NALF1: variants seen among roughly 807,000 people sequenced by gnomAD.
NALF1 encodes the protein NALCN channel auxiliary factor 1.
NALF1 carries 3 observed loss-of-function variants against 48.4 expected under a neutral mutation model. That is an observed-to-expected ratio of 0.06 (90% CI 0.03 to 0.16). The LOEUF (loss-of-function observed/expected upper bound fraction) is 0.16, where lower values mean the gene tolerates loss of function less well. Ranked by LOEUF, NALF1 falls within the 10% of genes least tolerant of loss-of-function variation. The pLI is 1.00. For missense variants in NALF1, 526 were observed against 571.5 expected (o/e 0.92, Z 0.81); for synonymous variants, 262 against 245.7 (o/e 1.07, Z -0.62).
intron 1 of NALF1, among the ~76,000 whole-genome samples, chr13:107,261,899 G>T (rs1433166724): frequency 6.6e-6 from 1 of 151,852 alleles, no homozygotes; most frequent in Non-Finnish European, 1.5e-5. Context: ...CAAGGCACAG[G>T]TTTATAGGCA....
intron 1 of NALF1, among the ~76,000 whole-genome samples, chr13:107,677,920 T>G (rs1046395706): frequency 6.6e-6 from 1 of 152,208 alleles, no homozygotes; most frequent in Non-Finnish European, 1.5e-5. Flanking sequence ...ATACTTGAGT[T>G]TAGAGAGGCA....
intron 2 of NALF1, among the ~76,000 whole-genome samples, chr13:107,202,222 C>T (rs984394258): frequency 6.6e-6 from 1 of 151,732 alleles, no homozygotes; most frequent in Non-Finnish European, 1.5e-5. Flanking sequence ...TTTTAAAGTT[C>T]TGCTTACAAA....
chr13:107,361,542 GA>G (rs1409980949), intron 1 of NALF1, among the ~76,000 whole-genome samples: 2 of 152,032 alleles, frequency 1.3e-5, no homozygotes, highest in Non-Finnish European at 1.5e-5. Context: ...ATGAGCCATG[GA>G]AAAAAAGTGA....
intron 1 of NALF1, among the ~76,000 whole-genome samples, chr13:107,608,436 G>C (rs901032666): frequency 3.9e-5 from 6 of 152,210 alleles, no homozygotes; most frequent in Admixed American, 3.9e-4. Context: ...CCAATATGCA[G>C]ACTTATGATA....
chr13:107,287,495 C>T (rs117504462), intron 1 of NALF1, among the ~76,000 whole-genome samples: 120 of 152,084 alleles, frequency 7.9e-4, no homozygotes, highest in Admixed American at 1.1e-3. Context: ...ACTTTGAAAA[C>T]GTCAAATAAA....
intron 1 of NALF1, among the ~76,000 whole-genome samples, chr13:107,575,119 T>C (rs939864281): frequency 1.3e-5 from 2 of 152,068 alleles, no homozygotes; most frequent in African/African-American, 4.8e-5. Context: ...GAAATTCCAT[T>C]TTCCACTAAC....
rs566827741 is a variant in NALF1, at chr13:107,358,107, GAT to G, written c.916-147354_916-147353del. 1.8e-4 allele frequency among the ~76,000 whole-genome samples: 28 copies of G among 151,634 alleles called. No individual in the cohort carries two copies. In the East Asian group the frequency reaches 5.0e-3, roughly 27 times the overall value. Reference sequence around the variant, plus strand: ...GTGTGTATATAGACATGTGTCTGTGGATATATATATGTATACACATTTACACA... The same window carrying G: ...GTGTGTATATAGACATGTGTCTGTGGATATATATGTATACACATTTACACA... On this transcript the variant is annotated intron_variant, in intron 1 of 2. Transcript: ENST00000375915.
chr13:107,304,163 C>T (rs1448456376), intron 1 of NALF1, among the ~76,000 whole-genome samples: 1 of 152,026 alleles, frequency 6.6e-6, no homozygotes, highest in Non-Finnish European at 1.5e-5. Flanking sequence ...CATCACTCTT[C>T]TTAAATTAGG....
chr13:107,507,526 CT>C (rs201415523), intron 1 of NALF1, among the ~76,000 whole-genome samples: 47 of 140,574 alleles, frequency 3.3e-4, no homozygotes, highest in South Asian at 2.3e-4. Context: ...ATATCACATC[CT>C]TTTTTTTTGC....
chr13:107,273,137 T>G (rs747946225), intron 1 of NALF1, among the ~76,000 whole-genome samples: 1 of 152,206 alleles, frequency 6.6e-6, no homozygotes, highest in Non-Finnish European at 1.5e-5. Flanking sequence ...AATATTCTTA[T>G]GCACTCCCCC....
chr13:107,489,104 T>G (rs77241300), intron 1 of NALF1, among the ~76,000 whole-genome samples: 2,622 of 152,142 alleles, frequency 0.017, 87 homozygotes, highest in African/African-American at 0.06. Flanking sequence ...TACAAACAAC[T>G]GCTCAAAGTA....
chr13:107,637,053 A>T (rs984522615), intron 1 of NALF1, among the ~76,000 whole-genome samples: 3 of 151,892 alleles, frequency 2.0e-5, no homozygotes, highest in African/African-American at 7.3e-5. Flanking sequence ...TCAGTACAGT[A>T]AGATGCTATA....
intron 1 of NALF1, among the ~76,000 whole-genome samples, chr13:107,545,114 C>A (rs1450574619): frequency 1.3e-5 from 2 of 152,192 alleles, no homozygotes; most frequent in Non-Finnish European, 2.9e-5. Flanking sequence ...TCTATAGATG[C>A]AGTCAAGTTA....
chr13:107,314,293 T>C (rs528969769), intron 1 of NALF1, among the ~76,000 whole-genome samples: 1 of 152,214 alleles, frequency 6.6e-6, no homozygotes, highest in Non-Finnish European at 1.5e-5. Flanking sequence ...GCTTTCCACT[T>C]AATAGTCTGA....
At chr13:107,539,632 C>T (rs998778308) in intron 1 of NALF1, among the ~76,000 whole-genome samples, 2 of 152,090 alleles carry the variant, frequency 1.3e-5, no homozygotes, top group African/African-American at 4.8e-5. Context: ...AAAAACAATA[C>T]ATTAATATTC....
chr13:107,590,848 C>G lies in NALF1; in HGVS notation c.915+274834G>C, dbSNP rs2138417278. On this transcript the variant is annotated intron_variant, in intron 1 of 2. Coordinates refer to ENST00000375915, the MANE Select transcript of NALF1 (RefSeq NM_001080396.3). ...ATGACTCTCCTGCTCAATCATCATC[C>G]CCCACCCTCCACACTTCCTTCTGAG... 3.3e-5 allele frequency among the ~76,000 whole-genome samples: 5 copies of G among 151,956 alleles called. No individual in the cohort carries two copies. In the South Asian group the frequency reaches 1.0e-3, roughly 32 times the overall value.
chr13:107,486,235 G>A (rs748590304), intron 1 of NALF1, among the ~76,000 whole-genome samples: 3 of 152,066 alleles, frequency 2.0e-5, no homozygotes, highest in Non-Finnish European at 2.9e-5. Context: ...CTGTCCTTAC[G>A]GATCGGAACA....
intron 1 of NALF1, among the ~76,000 whole-genome samples, chr13:107,584,891 C>T (rs9301240): frequency 0.96 from 146,455 of 152,132 alleles, 70,717 homozygotes; most frequent in Non-Finnish European, 1. Flanking sequence ...TTATTATTAT[C>T]ATCATCATCA....
At chr13:107,500,941 G>A (rs1875502034) in intron 1 of NALF1, among the ~76,000 whole-genome samples, 1 of 151,242 alleles carries the variant, frequency 6.6e-6, no homozygotes, top group Non-Finnish European at 1.5e-5. Context: ...ATCACACTCT[G>A]AGGACTGTTG....
Sources: gnomAD v4.1 joint callset for allele counts (sites outside exome capture counted in the v4.1 genomes callset) on GRCh38, gnomAD v4.1.1 for gene constraint, MANE v1.5 for transcripts, NCBI Gene and HGNC (gene_info 2026-07-23, HGNC 2026-07-21) for gene names.